CCDC178: variants seen among roughly 807,000 people sequenced by gnomAD.
CCDC178 encodes coiled-coil domain-containing protein 178.
In CCDC178, 126 loss-of-function variants were observed where a neutral mutation model predicts 117.4. That is an observed-to-expected ratio of 1.07 (90% CI 0.93 to 1.24). The LOEUF (loss-of-function observed/expected upper bound fraction) is 1.24, where lower values mean the gene tolerates loss of function less well. CCDC178 is among the 50% of genes most tolerant of loss of function. The pLI is 0.00. For missense variants in CCDC178, 1,030 were observed against 986.9 expected, an observed-to-expected ratio of 1.04 and a Z score of -0.59; for synonymous variants, 283 against 313.4, an observed-to-expected ratio of 0.90 and a Z score of 1.02.
rs143103966 is a variant in CCDC178, at chr18:32,957,456, G to A, written c.2523+17091C>T. On this transcript the variant is annotated intron_variant, in intron 22 of 22. Coordinates refer to ENST00000383096, the MANE Select transcript of CCDC178 (RefSeq NM_001105528.4). ...AACTATCTTGCTCAAAACAGTGGGG[G>A]TAACATCTATAGGCATTTGTATCAG... 4.1e-3 allele frequency among the ~76,000 whole-genome samples: 618 copies of A among 152,240 alleles called. 3 individuals are homozygous for A. Among genetic ancestry groups the A allele is most frequent in the Middle Eastern group, 0.02 (6 of 294 alleles).
chr18:32,974,998 C>A (rs1157137577), intron 21 of CCDC178, among the ~76,000 whole-genome samples: 1 of 152,090 alleles, frequency 6.6e-6, no homozygotes, highest in African/African-American at 2.4e-5. Context: ...CAGTTTAACT[C>A]AAAACCGATA....
At chr18:33,036,036 T>C (rs918273204) in intron 21 of CCDC178, among the ~76,000 whole-genome samples, 2 of 151,920 alleles carry the variant, frequency 1.3e-5, no homozygotes, top group African/African-American at 4.8e-5. Flanking sequence ...AAAATAGTAA[T>C]GTGGCATTTT....
At chr18:33,349,012 C>G (rs2144688615) in intron 7 of CCDC178, 37 bp from the exon 8 acceptor site, 1 of 1,387,120 alleles carries the variant, frequency 7.2e-7, no homozygotes, top group East Asian at 2.3e-5. Flanking sequence ...TAAAGAAGTA[C>G]TTAAAGTTAG....
At chr18:33,175,113 T>C (rs1449874130) in intron 20 of CCDC178, among the ~76,000 whole-genome samples, 1 of 151,882 alleles carries the variant, frequency 6.6e-6, no homozygotes, top group East Asian at 1.9e-4. Context: ...CCTGACCTCA[T>C]GATCCGCCCG....
chr18:33,414,627 G>T (rs1272953990), intron 2 of CCDC178, among the ~76,000 whole-genome samples: 1 of 152,140 alleles, frequency 6.6e-6, no homozygotes, highest in Non-Finnish European at 1.5e-5. Context: ...TACCATTCAG[G>T]ACATAGGCAT....
chr18:33,357,836 ATGTG>A lies in CCDC178; in HGVS notation c.349-1494_349-1491del, dbSNP rs6146256. Among the ~76,000 whole-genome samples the A allele has an allele frequency of 4.0e-4, 61 of 150,950 alleles. 1 individual carries two copies. The highest frequency in any genetic ancestry group is 1.3e-3 in the African/African-American group (53 of 41,270). The stretch of plus-strand genomic sequence containing the variant: ...ATGATATATATATATATGTGTATGC[ATGTG>A]TGTGTGTGTGTATACACACACACAT... On this transcript the variant is annotated intron_variant, in intron 6 of 22. Transcript: ENST00000383096.
intron 21 of CCDC178, among the ~76,000 whole-genome samples, chr18:32,989,452 A>T (rs1471112952): frequency 6.6e-6 from 1 of 152,148 alleles, no homozygotes; most frequent in Non-Finnish European, 1.5e-5. Flanking sequence ...GTTTCTGTAT[A>T]CACAGGTTGG....
intron 20 of CCDC178, among the ~76,000 whole-genome samples, chr18:33,139,861 AG>A (rs1396335398): frequency 6.6e-6 from 1 of 152,146 alleles, no homozygotes; most frequent in East Asian, 1.9e-4. Flanking sequence ...AAATGTCTCC[AG>A]GGCATGTCTC....
At chr18:33,440,574 G>C (rs2064371534) in intron 1 of CCDC178, 79 bp downstream of exon 1, 1 of 151,328 alleles carries the variant, frequency 6.6e-6, no homozygotes, top group African/African-American at 2.5e-5. Context: ...CGGGCGGCCA[G>C]GGGGAGTGGG....
At chr18:33,046,992 G>A (rs1447067029) in intron 21 of CCDC178, among the ~76,000 whole-genome samples, 1 of 152,084 alleles carries the variant, frequency 6.6e-6, no homozygotes, top group East Asian at 1.9e-4. Context: ...ATTATGTATG[G>A]TAAAACATTG....
intron 2 of CCDC178, among the ~76,000 whole-genome samples, chr18:33,428,518 G>A (rs1372862205): frequency 1.3e-5 from 2 of 151,842 alleles, no homozygotes; most frequent in African/African-American, 4.8e-5. Context: ...CAGATCACGA[G>A]GTCAAGAGAT....
intron 20 of CCDC178, among the ~76,000 whole-genome samples, chr18:33,179,072 A>ATATATATATATAT (rs2144465454): frequency 1.1e-5 from 1 of 94,288 alleles, no homozygotes; most frequent in African/African-American, 5.9e-5. Context: ...AAAAAAAAAA[A>ATATATATATATAT]AAAAAAATAT....
At chr18:33,156,393 C>A (rs1211592168) in intron 20 of CCDC178, among the ~76,000 whole-genome samples, 1 of 150,838 alleles carries the variant, frequency 6.6e-6, no homozygotes, top group Non-Finnish European at 1.5e-5. Context: ...CTGCTGAAAA[C>A]GTTTTCTTTT....
intron 22 of CCDC178, among the ~76,000 whole-genome samples, chr18:32,973,689 A>T (rs1353174345): frequency 6.6e-6 from 1 of 152,128 alleles, no homozygotes; most frequent in Non-Finnish European, 1.5e-5. Context: ...ACTTGAATTA[A>T]AAGTAATATG....
intron 21 of CCDC178, among the ~76,000 whole-genome samples, chr18:33,068,322 GCCCAGC>G (rs1400119986): frequency 6.6e-6 from 1 of 152,026 alleles, no homozygotes; most frequent in African/African-American, 2.4e-5. Flanking sequence ...CATTCTATGA[GCCCAGC>G]ATTACCCTGA....
intron 20 of CCDC178, among the ~76,000 whole-genome samples, chr18:33,177,158 G>C (rs1050446213): frequency 6.6e-6 from 1 of 151,908 alleles, no homozygotes; most frequent in East Asian, 1.9e-4. Flanking sequence ...TGAACAATGA[G>C]AACACATGGA....
chr18:33,430,451 A>T (rs2064196311), intron 2 of CCDC178, among the ~76,000 whole-genome samples: 1 of 152,196 alleles, frequency 6.6e-6, no homozygotes, highest in African/African-American at 2.4e-5. Flanking sequence ...TCTTGAAGAC[A>T]GTTTCAGGAC....
At chr18:33,329,928 A>G in intron 10 of CCDC178, among the ~76,000 whole-genome samples, 1 of 131,814 alleles carries the variant, frequency 7.6e-6, no homozygotes, top group South Asian at 2.5e-4. Flanking sequence ...ATAATTCACT[A>G]GTGAATCCAC....
chr18:33,305,335 T>C lies in CCDC178; in HGVS notation c.1023-12023A>G, dbSNP rs139167087. On this transcript the variant is annotated intron_variant, in intron 11 of 22. Transcript: ENST00000383096. ...TCATAAGCAGGCACGCAAAGGGTTA[T>C]ATAGCTGTACTGGAAAGAAAGCTCA... Among the ~76,000 whole-genome samples, 13 of 152,270 alleles carry C rather than the reference T, an allele frequency of 8.5e-5. No individual in the cohort carries two copies. In the East Asian group the frequency reaches 2.5e-3, roughly 29 times the overall value.
Sources: gnomAD v4.1 joint callset for allele counts (sites outside exome capture counted in the v4.1 genomes callset) on GRCh38, gnomAD v4.1.1 for gene constraint, MANE v1.5 for transcripts, NCBI Gene and HGNC (gene_info 2026-07-23, HGNC 2026-07-21) for gene names.